PDCL3: variants seen among roughly 807,000 people sequenced by gnomAD.
PDCL3 encodes the protein phosducin-like protein 3.
A neutral mutation model predicts 26.5 loss-of-function variants in PDCL3; 22 were observed. That is an observed-to-expected ratio of 0.83 (90% CI 0.59 to 1.19). The LOEUF is 1.19. PDCL3 is among the 50% of genes most tolerant of loss of function. PDCL3 has a pLI of 0.00. For synonymous variants in PDCL3, 81 were observed against 104.9 expected (o/e 0.77, Z 1.39); for missense variants, 246 against 294.1 (o/e 0.84, Z 1.20).
At chr2:100,574,094 C>G (rs1347328813) in intron 5 of PDCL3, among the ~76,000 whole-genome samples, 1 of 152,134 alleles carries the variant, frequency 6.6e-6, no homozygotes, top group Admixed American at 6.6e-5. Flanking sequence ...GCCTCAGCCT[C>G]CCGGGTTCAA....
In PDCL3 at chr2:100,565,764, A is replaced by G. The variant is rs1367409705; in HGVS notation, c.7-739A>G. ...TTATCTCTCTATGTATAGTTTGTATATATACTTGTTTGTTGCCTGTCTCTT... is the reference window on the plus strand; with the variant it reads ...TTATCTCTCTATGTATAGTTTGTATGTATACTTGTTTGTTGCCTGTCTCTT... On this transcript the variant is annotated intron_variant, in intron 1 of 5. Transcript: ENST00000264254. Among the ~76,000 whole-genome samples, 3 of 152,206 alleles carry G rather than the reference A, an allele frequency of 2.0e-5. No individual in the cohort carries two copies. The East Asian group carries it at 5.8e-4, about 29-fold the overall frequency.
At chr2:100,569,984 C>T (rs1675136082) in intron 4 of PDCL3, among the ~76,000 whole-genome samples, 2 of 152,112 alleles carry the variant, frequency 1.3e-5, no homozygotes, top group Admixed American at 1.3e-4. Context: ...GTCGCGGGCG[C>T]CTATAGTCCC....
chr2:100,566,658 G>A, intron 2 of PDCL3, 29 bp downstream of exon 2: 1 of 1,612,318 alleles, frequency 6.2e-7, no homozygotes, highest in Non-Finnish European at 8.5e-7. Context: ...CTCTGCACCT[G>A]TCTGGGTTAG....
At chr2:100,575,279 GCACC>G in intron 5 of PDCL3, among the ~76,000 whole-genome samples, 1 of 152,252 alleles carries the variant, frequency 6.6e-6, no homozygotes, top group Admixed American at 6.5e-5. Context: ...GGGACTACAG[GCACC>G]TGCCACCATG....
At chr2:100,565,688 T>C (rs976402948) in intron 1 of PDCL3, among the ~76,000 whole-genome samples, 1 of 152,176 alleles carries the variant, frequency 6.6e-6, no homozygotes. Context: ...ATGTGGGTCC[T>C]GGGTAATTCT....
At chr2:100,574,946 A>C (rs1323300898) in intron 5 of PDCL3, among the ~76,000 whole-genome samples, 1 of 152,144 alleles carries the variant, frequency 6.6e-6, no homozygotes, top group Non-Finnish European at 1.5e-5. Context: ...TACAAAAAAG[A>C]AAGTAGCCAG....
At chr2:100,569,170 C>G in intron 3 of PDCL3, 149 bp downstream of exon 3, 1 of 675,520 alleles carries the variant, frequency 1.5e-6, no homozygotes, top group African/African-American at 1.8e-5. Flanking sequence ...GCAGGCAGAT[C>G]GCTTGAGCTC....
At chr2:100,572,365 C>G (rs1367842051) in intron 5 of PDCL3, among the ~76,000 whole-genome samples, 2 of 151,320 alleles carry the variant, frequency 1.3e-5, no homozygotes, top group Non-Finnish European at 2.9e-5. Context: ...GCACCTACCA[C>G]CACGCCCAGC....
intron 2 of PDCL3, among the ~76,000 whole-genome samples, chr2:100,567,749 A>G (rs146237845): frequency 1.5e-3 from 233 of 152,098 alleles, no homozygotes; most frequent in African/African-American, 5.4e-3. Flanking sequence ...AGAAGCTTCT[A>G]GTAAGGACCT....
chr2:100,567,066 G>A (rs75814398), intron 2 of PDCL3, among the ~76,000 whole-genome samples: 2 of 152,112 alleles, frequency 1.3e-5, no homozygotes, highest in African/African-American at 2.4e-5. Context: ...AAAGGCAGTT[G>A]TACTGTCTGA....
chr2:100,572,508 G>A (rs1040098526), intron 5 of PDCL3, among the ~76,000 whole-genome samples: 6 of 150,910 alleles, frequency 4.0e-5, no homozygotes, highest in South Asian at 2.1e-4. Flanking sequence ...CACTGCGCCC[G>A]GCTAGTAGCT....
intron 1 of PDCL3, among the ~76,000 whole-genome samples, chr2:100,565,420 G>A (rs189685073): frequency 0.013 from 1,973 of 151,860 alleles, 34 homozygotes; most frequent in African/African-American, 0.044. Flanking sequence ...GACTACAGGC[G>A]CCCGCCACCA....
At chr2:100,565,888 T>C (rs2104391029) in intron 1 of PDCL3, among the ~76,000 whole-genome samples, 1 of 152,302 alleles carries the variant, frequency 6.6e-6, no homozygotes, top group South Asian at 2.1e-4. Flanking sequence ...ATCTGTTGAA[T>C]GAATCACTCA....
intron 5 of PDCL3, among the ~76,000 whole-genome samples, chr2:100,574,055 G>A (rs1573284052): frequency 6.6e-6 from 1 of 152,082 alleles, no homozygotes; most frequent in Non-Finnish European, 1.5e-5. Flanking sequence ...CCAGGCTGGA[G>A]TGCAGTAGCA....
At chr2:100,571,898 A>C in intron 5 of PDCL3, 100 bp downstream of exon 5, 1 of 924,442 alleles carries the variant, frequency 1.1e-6, no homozygotes, top group Non-Finnish European at 1.6e-6. Flanking sequence ...ATGGTGGGTC[A>C]AGTTCACTTC....
intron 4 of PDCL3, among the ~76,000 whole-genome samples, chr2:100,570,736 A>G (rs1558697669): frequency 1.3e-5 from 2 of 151,992 alleles, no homozygotes; most frequent in Non-Finnish European, 2.9e-5. Context: ...TTGGCCTCCC[A>G]AAGTGCTGGG....
At chr2:100,564,151 G>A (rs575080500) in intron 1 of PDCL3, among the ~76,000 whole-genome samples, 2 of 151,996 alleles carry the variant, frequency 1.3e-5, no homozygotes, top group South Asian at 4.2e-4. Flanking sequence ...TACAGGATGA[G>A]CCACCGCACC....
chr2:100,574,921 G>A (rs1390015903), intron 5 of PDCL3, among the ~76,000 whole-genome samples: 5 of 152,156 alleles, frequency 3.3e-5, no homozygotes, highest in African/African-American at 4.8e-5. Flanking sequence ...GGGCAACATA[G>A]CGAGATCCCA....
At position 100,571,114 on chromosome 2, in the gene PDCL3, C is replaced by CAAAAAAAAAAAA. The variant is rs59012685; in HGVS notation, c.369-469_369-458dup. On this transcript the variant is annotated intron_variant, in intron 4 of 5. Coordinates refer to ENST00000264254, the MANE Select transcript of PDCL3 (RefSeq NM_024065.5). ...GCAACGTGGTGAAACCCTGTCTTTA[C>CAAAAAAAAAAAA]AAAAAAAAAAAAAAAAAATCAGCTG... Among the ~76,000 whole-genome samples, 903 of 108,954 alleles carry CAAAAAAAAAAAA rather than the reference C, an allele frequency of 8.3e-3. 13 individuals carry two copies. The highest frequency in any genetic ancestry group is 0.029 in the African/African-American group (832 of 29,186). 71.5% of individuals were successfully genotyped at this position (108,954 alleles called of 152,430 possible).
Sources: allele counts gnomAD v4.1 joint callset (sites outside exome capture counted in the v4.1 genomes callset), GRCh38; gene constraint gnomAD v4.1.1; transcripts MANE v1.5; gene names NCBI Gene and HGNC (gene_info 2026-07-23, HGNC 2026-07-21).